The following RAB7A variants were observed in gnomAD, a reference collection of about 807,000 sequenced individuals.
The protein encoded by RAB7A is ras-related protein Rab-7a.
Under a neutral mutation model 24.5 loss-of-function variants are expected in RAB7A, and 2 were observed. The ratio of observed to expected loss-of-function variants is 0.08; its 90% confidence interval spans 0.03 to 0.26. The LOEUF is 0.26. Among genes scored for constraint, RAB7A ranks in the 10% least tolerant of loss-of-function variants. RAB7A has a pLI of 1.00. For missense variants in RAB7A, 118 were observed against 255.7 expected, an observed-to-expected ratio of 0.46 and a Z score of 3.67; for synonymous variants, 100 against 95.9, an observed-to-expected ratio of 1.04 and a Z score of -0.25.
Position 128,739,108 on chromosome 3 carries a change from G to A in RAB7A, c.-9+12749G>A, listed in dbSNP as rs78986076. On this transcript the variant is annotated intron_variant, in intron 1 of 5. Transcript: ENST00000265062. ...CTTTAAGGACCCTGTTAGCCATTGA[G>A]TATATGGAGCTTTGCCCATTCGTTT... is the stretch of plus-strand genomic sequence containing the variant. Among the ~76,000 whole-genome samples the A allele has an allele frequency of 8.1e-4, 123 of 152,340 alleles. 2 individuals carry two copies. In the East Asian group the frequency reaches 0.017, roughly 21 times the overall value.
chr3:128,813,448 GTCCT>G lies in RAB7A; in HGVS notation c.*29_*32del. 6.2e-7 allele frequency: 1 copy of G among 1,602,230 alleles called. No homozygotes were observed. The highest frequency in any genetic ancestry group is 1.3e-5 in the African/African-American group (1 of 74,776). ...GGGGGCAGTGAGAGTTGAGCACAGA[GTCCT>G]TCACAAACCAAGAACACACGTAGGC... On this transcript the variant is annotated 3_prime_UTR_variant, in exon 6 of 6. Transcript: ENST00000265062.
At chr3:128,748,939 G>A (rs1330200298) in intron 1 of RAB7A, 1 of 152,216 alleles carries the variant, frequency 6.6e-6, no homozygotes, top group Non-Finnish European at 1.5e-5. Context: ...CACTGGGGCA[G>A]GGAGAAGGGT....
rs1398249546 is a variant in RAB7A, at chr3:128,767,170, C to T, written c.-8-28190C>T. Among the ~76,000 whole-genome samples the T allele has an allele frequency of 2.6e-5, 4 of 152,148 alleles. No homozygotes were observed. The South Asian group carries it at 8.3e-4, about 32-fold the overall frequency. Reference sequence around the variant, plus strand: ...TGGCTCAGCCTCTGCTCTGAATTGTCCCTTCAGTCAGGTGTTTGCAACTAG... The same window carrying T: ...TGGCTCAGCCTCTGCTCTGAATTGTTCCTTCAGTCAGGTGTTTGCAACTAG... On this transcript the variant is annotated intron_variant, in intron 1 of 5. Transcript: ENST00000265062.
rs375666951 is a variant in RAB7A, at chr3:128,728,409, G to A, written c.-9+2050G>A. Among the ~76,000 whole-genome samples, 26 of 152,308 alleles carry A rather than the reference G, an allele frequency of 1.7e-4. No individual in the cohort carries two copies. The East Asian group carries it at 2.7e-3, about 16-fold the overall frequency. On this transcript the variant is annotated intron_variant, in intron 1 of 5. Coordinates refer to ENST00000265062, the MANE Select transcript of RAB7A (RefSeq NM_004637.6). ...TTTCTAATTAATCACATCTTTTAAAGAGTAACCTTCAACACTCAACTTGTT... is the reference window on the plus strand; with the variant it reads ...TTTCTAATTAATCACATCTTTTAAAAAGTAACCTTCAACACTCAACTTGTT...
chr3:128,753,388 A>G (rs1019134492), intron 1 of RAB7A, among the ~76,000 whole-genome samples: 3 of 152,150 alleles, frequency 2.0e-5, no homozygotes, highest in Non-Finnish European at 4.4e-5. Context: ...GAATGTAAAT[A>G]TATTTATTAC....
At chr3:128,773,475 G>T (rs1189479853) in intron 1 of RAB7A, among the ~76,000 whole-genome samples, 1 of 143,966 alleles carries the variant, frequency 6.9e-6, no homozygotes, top group East Asian at 2.0e-4. Flanking sequence ...GGAGGTGGGG[G>T]TCAGCCCCCG....
intron 1 of RAB7A, chr3:128,764,886 G>A (rs2070813291): frequency 7.1e-6 from 10 of 1,400,944 alleles, no homozygotes; most frequent in East Asian, 4.5e-5. Context: ...CCACATCATC[G>A]CGGTCAAAGT....
chr3:128,776,945 TAC>T (rs71153145), intron 1 of RAB7A, among the ~76,000 whole-genome samples: 31,846 of 142,054 alleles, frequency 0.22, 3,756 homozygotes, highest in East Asian at 0.31. Flanking sequence ...TTAGTTGAGC[TAC>T]ACACACACAC....
At chr3:128,762,400 A>G (rs541694667) in intron 1 of RAB7A, among the ~76,000 whole-genome samples, 1 of 152,346 alleles carries the variant, frequency 6.6e-6, no homozygotes, top group African/African-American at 2.4e-5. Context: ...AACACAGTTA[A>G]CCAAGCAAAC....
intron 1 of RAB7A, among the ~76,000 whole-genome samples, chr3:128,786,384 A>G (rs1433975506): frequency 6.6e-6 from 1 of 151,960 alleles, no homozygotes; most frequent in South Asian, 2.1e-4. Flanking sequence ...GTGACTTTCG[A>G]TGCCTTTCTG....
chr3:128,806,172 A>G (rs1433744373), intron 3 of RAB7A, among the ~76,000 whole-genome samples, 200 bp from the exon 4 acceptor site: 2 of 152,232 alleles, frequency 1.3e-5, no homozygotes, highest in Non-Finnish European at 2.9e-5. Context: ...TCGCTTATAG[A>G]CAGACACATA....
intron 1 of RAB7A, among the ~76,000 whole-genome samples, chr3:128,767,000 G>GT (rs2070838401): frequency 6.6e-6 from 1 of 151,976 alleles, no homozygotes; most frequent in African/African-American, 2.4e-5. Flanking sequence ...GTCCTAGTTG[G>GT]TATGAAGTGG....
intron 3 of RAB7A, among the ~76,000 whole-genome samples, chr3:128,798,604 A>G (rs915370815): frequency 2.0e-5 from 3 of 152,074 alleles, no homozygotes; most frequent in Non-Finnish European, 4.4e-5. Context: ...ATTCTTTCAT[A>G]TGACTTGTTG....
intron 5 of RAB7A, 152 bp downstream of exon 5, chr3:128,807,823 T>TGA: frequency 1.7e-6 from 2 of 1,205,374 alleles, no homozygotes; most frequent in Non-Finnish European, 2.4e-6. Context: ...GGTTATGACA[T>TGA]GTTCTGCTTA....
At chr3:128,738,606 G>A (rs2070516154) in intron 1 of RAB7A, among the ~76,000 whole-genome samples, 1 of 152,122 alleles carries the variant, frequency 6.6e-6, no homozygotes, top group Non-Finnish European at 1.5e-5. Flanking sequence ...CGTCTATAGT[G>A]TTCTTTTTAC....
intron 1 of RAB7A, 162 bp from the exon 2 acceptor site, chr3:128,795,198 G>A (rs1313991341): frequency 2.9e-6 from 2 of 694,786 alleles, no homozygotes; most frequent in Non-Finnish European, 5.3e-6. Context: ...GTTTTGGTGA[G>A]TGATACTGTT....
intron 1 of RAB7A, among the ~76,000 whole-genome samples, chr3:128,761,062 C>T (rs2070772593): frequency 6.6e-6 from 1 of 152,140 alleles, no homozygotes; most frequent in African/African-American, 2.4e-5. Context: ...ATTTTTCCAG[C>T]CCCCAAATCC....
chr3:128,734,454 C>CAA (rs10524458), intron 1 of RAB7A, among the ~76,000 whole-genome samples: 331 of 86,278 alleles, frequency 3.8e-3, no homozygotes, highest in African/African-American at 7.5e-3. Context: ...GACCCTACCT[C>CAA]AAAAAAAAAA....
intron 1 of RAB7A, among the ~76,000 whole-genome samples, chr3:128,734,292 G>T (rs1181152133): frequency 6.6e-6 from 1 of 151,822 alleles, no homozygotes. Context: ...TTAGCCAGGC[G>T]TGGTGGTGGG....
Sources: gnomAD v4.1 joint callset for allele counts (sites outside exome capture counted in the v4.1 genomes callset) on GRCh38, gnomAD v4.1.1 for gene constraint, MANE v1.5 for transcripts, NCBI Gene and HGNC (gene_info 2026-07-23, HGNC 2026-07-21) for gene names.